Variants in CAMK4 observed in about 807,000 individuals in gnomAD.
CAMK4 encodes the protein calcium/calmodulin-dependent protein kinase type IV.
Under a neutral mutation model 44.9 loss-of-function variants are expected in CAMK4, and 22 were observed. That is an observed-to-expected ratio of 0.49 (90% CI 0.35 to 0.70). CAMK4 has a LOEUF of 0.70. Among genes scored for constraint, CAMK4 ranks in the 30% least tolerant of loss-of-function variants. CAMK4 has a pLI of 0.01. For synonymous variants in CAMK4, 218 were observed against 215.4 expected, an observed-to-expected ratio of 1.01 and a Z score of -0.11; for missense variants, 498 against 586.8, an observed-to-expected ratio of 0.85 and a Z score of 1.56.
chr5:111,267,058 A>G (rs1028621016), intron 1 of CAMK4, among the ~76,000 whole-genome samples: 3 of 152,014 alleles, frequency 2.0e-5, no homozygotes, highest in Non-Finnish European at 2.9e-5. Flanking sequence ...TTCATTCCAC[A>G]TCTTTGGTCA....
chr5:111,465,088 C>A (rs1754777346), intron 7 of CAMK4, among the ~76,000 whole-genome samples: 1 of 152,052 alleles, frequency 6.6e-6, no homozygotes, highest in Non-Finnish European at 1.5e-5. Flanking sequence ...CTAATTCTGC[C>A]CTGTGGAGTT....
At position 111,325,378 on chromosome 5, in the gene CAMK4, C is replaced by A. The variant is rs188501951; in HGVS notation, c.162-18646C>A. ...TTATAATACTTTAGATATAATACCC[C>A]GTAGTAGGATTGCCGGGTCAAATGG... On this transcript the variant is annotated intron_variant, in intron 1 of 10. Transcript: ENST00000282356. Among the ~76,000 whole-genome samples, 22 of 151,994 alleles carry A rather than the reference C, an allele frequency of 1.4e-4. No homozygotes were observed. In the East Asian group the frequency reaches 3.7e-3, roughly 25 times the overall value.
At chr5:111,267,271 G>T (rs1363647624) in intron 1 of CAMK4, among the ~76,000 whole-genome samples, 1 of 152,154 alleles carries the variant, frequency 6.6e-6, no homozygotes, top group Admixed American at 6.5e-5. Flanking sequence ...GGGCCCTAGA[G>T]GTGCTTACTG....
chr5:111,294,115 T>G (rs1747390521), intron 1 of CAMK4, among the ~76,000 whole-genome samples: 1 of 152,184 alleles, frequency 6.6e-6, no homozygotes, highest in Non-Finnish European at 1.5e-5. Flanking sequence ...ATATATCCAT[T>G]TATTCACTCA....
At chr5:111,244,981 A>T (rs571456041) in intron 1 of CAMK4, among the ~76,000 whole-genome samples, 1 of 152,204 alleles carries the variant, frequency 6.6e-6, no homozygotes, top group Non-Finnish European at 1.5e-5. Flanking sequence ...GAGCAGATGG[A>T]TTGATGAATA....
intron 7 of CAMK4, among the ~76,000 whole-genome samples, chr5:111,465,668 C>T (rs1754802408): frequency 6.6e-6 from 1 of 152,172 alleles, no homozygotes; most frequent in African/African-American, 2.4e-5. Flanking sequence ...GAAATAGAAA[C>T]TCTGAACAGA....
intron 1 of CAMK4, among the ~76,000 whole-genome samples, chr5:111,323,165 G>T (rs1169448427): frequency 6.6e-6 from 1 of 151,954 alleles, no homozygotes; most frequent in African/African-American, 2.4e-5. Context: ...CAGCAAACAT[G>T]GTAAATGCAA....
In CAMK4 at chr5:111,224,684, A is replaced by C. The variant is rs949017653; in HGVS notation, c.161+40A>C. 6 of 1,578,786 alleles carry C rather than the reference A, an allele frequency of 3.8e-6. No homozygotes were observed. The highest frequency in any genetic ancestry group is 2.8e-5 in the African/African-American group (2 of 72,354). ...CCGGCTGGGGAAGCCCGCGGCGTGC[A>C]CTGGGGGTTGTCCCTCTCGCAGCGA... On this transcript the variant is annotated intron_variant, in intron 1 of 10. Transcript: ENST00000282356. The surrounding 1 kb of genome is among the most constrained non-coding windows in gnomAD (Gnocchi z 5.7).
intron 5 of CAMK4, among the ~76,000 whole-genome samples, chr5:111,398,613 T>A (rs1752107685): frequency 6.6e-6 from 1 of 152,212 alleles, no homozygotes; most frequent in Non-Finnish European, 1.5e-5. Context: ...CCCTACTTGT[T>A]TATCATGTAG....
At chr5:111,253,316 G>A (rs1000239501) in intron 1 of CAMK4, among the ~76,000 whole-genome samples, 3 of 152,158 alleles carry the variant, frequency 2.0e-5, no homozygotes, top group African/African-American at 7.2e-5. Context: ...TGTGCTGATG[G>A]TGCTTTTCTA....
At chr5:111,425,985 T>C (rs568838942) in intron 5 of CAMK4, among the ~76,000 whole-genome samples, 5 of 152,336 alleles carry the variant, frequency 3.3e-5, no homozygotes, top group African/African-American at 1.2e-4. Context: ...TTCAAGTTCA[T>C]GACAGAACAT....
intron 5 of CAMK4, among the ~76,000 whole-genome samples, chr5:111,427,923 G>A (rs1266964840): frequency 6.6e-6 from 1 of 152,246 alleles, no homozygotes; most frequent in Admixed American, 6.5e-5. Flanking sequence ...TTATAGCAGG[G>A]TTTGGGCAAG....
upstream of CAMK4, chr5:111,224,317 C>G (rs995569661): frequency 3.8e-6 from 4 of 1,043,348 alleles, no homozygotes; most frequent in East Asian, 1.5e-4. This position sits in a 1 kb window ranked among gnomAD's most constrained non-coding sequence, Gnocchi z 5.7. Context: ...CGCCCCCTTC[C>G]CCGCCCACCG....
At chr5:111,479,508 T>C (rs1287888328) in intron 9 of CAMK4, among the ~76,000 whole-genome samples, 1 of 152,136 alleles carries the variant, frequency 6.6e-6, no homozygotes, top group Non-Finnish European at 1.5e-5. Context: ...TTTTGAATCA[T>C]AGAAGGTTAG....
chr5:111,366,799 G>C (rs1451112406), intron 2 of CAMK4, among the ~76,000 whole-genome samples: 2 of 151,958 alleles, frequency 1.3e-5, no homozygotes, highest in East Asian at 3.9e-4. Flanking sequence ...AAGAAATCTT[G>C]AGTGTCATGG....
chr5:111,331,080 A>G (rs189035866), intron 1 of CAMK4, among the ~76,000 whole-genome samples: 73 of 151,842 alleles, frequency 4.8e-4, no homozygotes, highest in African/African-American at 9.2e-4. Context: ...TTAGAACACA[A>G]AAAAGCACTC....
intron 5 of CAMK4, among the ~76,000 whole-genome samples, chr5:111,405,159 T>C (rs1318391804): frequency 2.0e-5 from 3 of 152,150 alleles, no homozygotes; most frequent in Admixed American, 1.3e-4. Context: ...GAGAAAGTTG[T>C]ATCTGAATTG....
intron 1 of CAMK4, among the ~76,000 whole-genome samples, chr5:111,225,047 G>A (rs1367417213): frequency 2.0e-5 from 3 of 152,184 alleles, no homozygotes; most frequent in Non-Finnish European, 4.4e-5. Flanking sequence ...AATCAAGACA[G>A]AATTATTAAG....
rs994200590 is a variant in CAMK4, at chr5:111,485,844, C to T, written c.*1378C>T. 3.3e-5 allele frequency: 5 copies of T among 152,004 alleles called. No homozygotes were observed. The highest frequency in any genetic ancestry group is 1.2e-4 in the African/African-American group (5 of 41,384). The allele number at this position is 152,004 out of a possible 1,614,324, so 9.4% of individuals were successfully genotyped here. A position where few individuals can be genotyped will look rare whatever the true frequency, so the allele number is the denominator to read the frequency against. On this transcript the variant is annotated 3_prime_UTR_variant, in exon 11 of 11. Transcript: ENST00000282356. ...TTTGACTTTCATAGAAACACTTTCC[C>T]CTTATAGAAATTGCACTATCTCCAA...
Sources: allele counts gnomAD v4.1 joint callset (sites outside exome capture counted in the v4.1 genomes callset), GRCh38; gene constraint gnomAD v4.1.1; non-coding constraint Gnocchi (gnomAD v3.1); transcripts MANE v1.5; gene names NCBI Gene and HGNC (gene_info 2026-07-23, HGNC 2026-07-21).